CADM2: variants seen among roughly 807,000 people sequenced by gnomAD.
CADM2 encodes the protein cell adhesion molecule 2, also known as immunoglobulin superfamily member 4D.
A neutral mutation model predicts 49.8 loss-of-function variants in CADM2; 12 were observed. The observed-to-expected ratio is 0.24, with a 90% CI of 0.15 to 0.39. The LOEUF is 0.39. Among genes scored for constraint, CADM2 ranks in the 10% least tolerant of loss-of-function variants. The probability of loss-of-function intolerance (pLI) is 1.00; values close to 1 mark genes in which losing one functional copy is unlikely to be tolerated. For synonymous variants in CADM2, 214 were observed against 175.4 expected (o/e 1.22, Z -1.74); for missense variants, 378 against 492.3 (o/e 0.77, Z 2.20).
chr3:85,505,648 G>A (rs146267817), intron 1 of CADM2, among the ~76,000 whole-genome samples: 3 of 152,262 alleles, frequency 2.0e-5, no homozygotes, highest in Admixed American at 2.0e-4. Context: ...TCATAAAGTA[G>A]CCATCATATG....
chr3:85,433,961 A>G (rs1430482022), intron 1 of CADM2, among the ~76,000 whole-genome samples: 3 of 151,968 alleles, frequency 2.0e-5, no homozygotes, highest in Non-Finnish European at 4.4e-5. Context: ...CATCCCTTAG[A>G]CTTTTTTTGT....
In CADM2 at chr3:85,942,537, A is replaced by G. The variant is rs1287173393; in HGVS notation, c.791+6680A>G. Among the ~76,000 whole-genome samples the G allele has an allele frequency of 3.1e-5, 4 of 129,248 alleles. No homozygotes were observed. The Middle Eastern group carries it at 0.017, about 545-fold the overall frequency. 84.8% of individuals were successfully genotyped at this position (129,248 alleles called of 152,430 possible). A position where few individuals can be genotyped will look rare whatever the true frequency, so the allele number is the denominator to read the frequency against. On this transcript the variant is annotated intron_variant, in intron 7 of 9. Transcript: ENST00000383699. ...GTGTGATATTCCCCTTCCTGTGTCCATGTGATCTCATTGTTCAATTCCCAC... is the reference window on the plus strand; with the variant it reads ...GTGTGATATTCCCCTTCCTGTGTCCGTGTGATCTCATTGTTCAATTCCCAC...
rs1055532778 is a variant in CADM2 at position 85,090,646 on chromosome 3, C to T, written c.61+130978C>T. On this transcript the variant is annotated intron_variant, in intron 1 of 9. Coordinates refer to ENST00000383699, the MANE Select transcript of CADM2 (RefSeq NM_001167675.2). The stretch of plus-strand genomic sequence containing the variant: ...TCTAGACCAGGGCTGTGGACCTTAC[C>T]GGTCAGTGGCCTGTTAGGAACTGGC... Among the ~76,000 whole-genome samples, 8 of 152,238 alleles carry T rather than the reference C, an allele frequency of 5.3e-5. 1 individual carries two copies. The South Asian group carries it at 6.2e-4, about 12-fold the overall frequency.
At chr3:85,878,505 C>T (rs1712251455) in intron 3 of CADM2, among the ~76,000 whole-genome samples, 1 of 151,960 alleles carries the variant, frequency 6.6e-6, no homozygotes, top group South Asian at 2.1e-4. Context: ...CTAGTTTTTC[C>T]TCAGGATTCC....
At chr3:85,007,901 T>C (rs2033814239) in intron 1 of CADM2, among the ~76,000 whole-genome samples, 1 of 152,164 alleles carries the variant, frequency 6.6e-6, no homozygotes, top group African/African-American at 2.4e-5. Flanking sequence ...AACGAAAGTC[T>C]TGGAGGCAGT....
chr3:85,168,003 T>C (rs2040517969), intron 1 of CADM2, among the ~76,000 whole-genome samples: 1 of 152,130 alleles, frequency 6.6e-6, no homozygotes, highest in Admixed American at 6.6e-5. Flanking sequence ...GGGACTAAGC[T>C]CAAGTGGTAC....
At chr3:85,764,505 A>C (rs1156795911) in intron 2 of CADM2, among the ~76,000 whole-genome samples, 1 of 152,120 alleles carries the variant, frequency 6.6e-6, no homozygotes, top group Non-Finnish European at 1.5e-5. Context: ...ATAGGAAGGA[A>C]GCAGATATTT....
At chr3:85,466,127 A>G (rs1483393122) in intron 1 of CADM2, among the ~76,000 whole-genome samples, 3 of 152,172 alleles carry the variant, frequency 2.0e-5, no homozygotes, top group African/African-American at 7.2e-5. Context: ...TATTTTCAAA[A>G]TTATCTTGTC....
In CADM2 at chr3:86,070,777, A is replaced by G. The variant is rs1438688359; in HGVS notation, c.*3994A>G. ...AACTACAGTGTACGTACATGTAAGT[A>G]TCTTGTACTTGCTGTGTATGGATGT... On this transcript the variant is annotated 3_prime_UTR_variant, in exon 10 of 10. Transcript: ENST00000383699. 1 of 151,980 alleles carries G rather than the reference A, an allele frequency of 6.6e-6. No homozygotes were observed. The highest frequency in any genetic ancestry group is 2.4e-5 in the African/African-American group (1 of 41,446). The allele number at this position is 151,980 out of a possible 1,614,324, so 9.4% of individuals were successfully genotyped here. A position where few individuals can be genotyped will look rare whatever the true frequency, so the allele number is the denominator to read the frequency against.
intron 1 of CADM2, among the ~76,000 whole-genome samples, chr3:85,171,142 T>G (rs1264682265): frequency 6.6e-6 from 1 of 152,188 alleles, no homozygotes; most frequent in Non-Finnish European, 1.5e-5. Flanking sequence ...AACCTGAAGT[T>G]ATTCACAAGT....
intron 1 of CADM2, among the ~76,000 whole-genome samples, chr3:85,172,956 CAT>C (rs1214760687): frequency 7.0e-5 from 10 of 143,760 alleles, no homozygotes; most frequent in Admixed American, 1.4e-4. Flanking sequence ...AATACATAAA[CAT>C]ATATATATAT....
intron 3 of CADM2, among the ~76,000 whole-genome samples, chr3:85,865,792 C>A (rs530156531): frequency 6.5e-4 from 99 of 152,162 alleles, no homozygotes; most frequent in African/African-American, 2.4e-3. Context: ...ACTTAAACTA[C>A]AATAGATACA....
chr3:85,180,545 A>C (rs2040908826), intron 1 of CADM2, among the ~76,000 whole-genome samples: 1 of 147,088 alleles, frequency 6.8e-6, no homozygotes, highest in South Asian at 2.1e-4. Context: ...AAAGAGAAGG[A>C]GAAAAAATGA....
At chr3:85,551,021 C>A (rs1204548466) in intron 1 of CADM2, among the ~76,000 whole-genome samples, 1 of 151,920 alleles carries the variant, frequency 6.6e-6, no homozygotes, top group Non-Finnish European at 1.5e-5. Context: ...TCTCACTCTG[C>A]CACTCAGGCT....
intron 1 of CADM2, among the ~76,000 whole-genome samples, chr3:85,559,678 ACAC>A (rs761775309): frequency 1.8e-4 from 18 of 99,930 alleles, no homozygotes; most frequent in South Asian, 1.1e-3. Context: ...ACACACACAC[ACAC>A]ACACACATAT....
intron 1 of CADM2, among the ~76,000 whole-genome samples, chr3:85,677,078 A>T (rs569920388): frequency 6.6e-6 from 1 of 152,282 alleles, no homozygotes; most frequent in African/African-American, 2.4e-5. Flanking sequence ...CTAAAATTAA[A>T]TTAGCTTTTC....
chr3:85,822,091 G>A (rs1386371628), intron 3 of CADM2, among the ~76,000 whole-genome samples: 2 of 152,082 alleles, frequency 1.3e-5, no homozygotes, highest in Non-Finnish European at 2.9e-5. Context: ...CACATGCTTG[G>A]TTGTGGCTTA....
At position 85,777,906 on chromosome 3, in the gene CADM2, G is replaced by C. The variant is rs1017827522; in HGVS notation, c.89-24141G>C. 3.3e-5 allele frequency among the ~76,000 whole-genome samples: 5 copies of C among 152,170 alleles called. No individual in the cohort carries two copies. The East Asian group carries it at 9.7e-4, about 29-fold the overall frequency. The stretch of plus-strand genomic sequence containing the variant: ...TAATGTCAAAGTGGATGAACTCACA[G>C]ATATTACCCTTATCTCATTTTAATA... On this transcript the variant is annotated intron_variant, in intron 2 of 9. Transcript: ENST00000383699.
At chr3:85,911,206 T>C (rs190784119) in intron 5 of CADM2, among the ~76,000 whole-genome samples, 290 of 152,288 alleles carry the variant, frequency 1.9e-3, no homozygotes, top group Non-Finnish European at 3.7e-3. Flanking sequence ...ATTTAAGATC[T>C]TGTTATAATG....
Sources: allele counts gnomAD v4.1 joint callset (sites outside exome capture counted in the v4.1 genomes callset), GRCh38; gene constraint gnomAD v4.1.1; transcripts MANE v1.5; gene names NCBI Gene and HGNC (gene_info 2026-07-23, HGNC 2026-07-21).